The following TMEM232 variants were observed in gnomAD, a reference collection of about 807,000 sequenced individuals.
TMEM232 encodes transmembrane protein 232.
A neutral mutation model predicts 78.8 loss-of-function variants in TMEM232; 80 were observed. The ratio of observed to expected loss-of-function variants is 1.01; its 90% CI spans 0.85 to 1.22. The LOEUF (loss-of-function observed/expected upper bound fraction) is 1.22, where lower values mean the gene tolerates loss of function less well. TMEM232 is among the 50% of genes most tolerant of loss of function. The probability of loss-of-function intolerance (pLI) is 0.00; values close to 1 mark genes in which losing one functional copy is unlikely to be tolerated. For synonymous variants in TMEM232, 297 were observed against 254.3 expected, an observed-to-expected ratio of 1.17 and a Z score of -1.60; for missense variants, 881 against 742.2, an observed-to-expected ratio of 1.19 and a Z score of -2.17.
chr5:110,424,832 A>C lies in TMEM232; in HGVS notation c.1788T>G (p.Ile596Met). 1 of 1,548,722 alleles carries C rather than the reference A, an allele frequency of 6.5e-7. No individual in the cohort carries two copies. Among genetic ancestry groups the C allele is most frequent in the Non-Finnish European group, 8.7e-7 (1 of 1,145,460 alleles). Residue 596 changes from isoleucine (I) to methionine (M), a missense_variant, in exon 13 of 14, where the codon ATT (isoleucine) becomes ATG (methionine). Transcript: ENST00000455884. Reference sequence around the variant, plus strand: ...AAAAAATCAATCTTACGTGATGGTCAATGATTTTTGCCAACTCTTTATCTG... The same window carrying C: ...AAAAAATCAATCTTACGTGATGGTCCATGATTTTTGCCAACTCTTTATCTG... ...TKADKELAKIIDHHWQEELKI... is the reference protein window; with the variant it reads ...TKADKELAKIMDHHWQEELKI...
rs1242099111 is a variant in TMEM232 at position 110,388,125 on chromosome 5, T to G, written n.616-72A>C. The G allele has an allele frequency of 2.6e-5, 4 of 152,174 alleles. No homozygotes were observed. In the East Asian group the frequency reaches 7.7e-4, roughly 29 times the overall value. 9.4% of individuals were successfully genotyped at this position (152,174 alleles called of 1,614,324 possible). ...AGAGAGGCGTCTGAAAAGGGAAATGTGGCAGACCGCAGCAGATTTTATTGG... is the reference window on the plus strand; with the variant it reads ...AGAGAGGCGTCTGAAAAGGGAAATGGGGCAGACCGCAGCAGATTTTATTGG... On this transcript the variant is annotated intron_variant and non_coding_transcript_variant, in intron 4 of 8. Transcript: ENST00000507188.
At chr5:110,526,864 T>C (rs996581592) in intron 12 of TMEM232, among the ~76,000 whole-genome samples, 8 of 151,810 alleles carry the variant, frequency 5.3e-5, no homozygotes, top group African/African-American at 1.9e-4. Context: ...GGAAAACTTG[T>C]TTAAAAAATG....
chr5:110,409,737 G>A (rs1755920430), intron 2 of TMEM232, among the ~76,000 whole-genome samples: 1 of 151,838 alleles, frequency 6.6e-6, no homozygotes, highest in African/African-American at 2.4e-5. Flanking sequence ...TCTAACTTTG[G>A]ATGATTTTGC....
At chr5:110,457,499 G>A (rs947116245) in intron 12 of TMEM232, among the ~76,000 whole-genome samples, 6 of 151,692 alleles carry the variant, frequency 4.0e-5, no homozygotes, top group African/African-American at 1.5e-4. Flanking sequence ...TTCACGCCTC[G>A]GTATTTAGCC....
rs78571453 is a variant in TMEM232 at position 110,649,056 on chromosome 5, T to C, written c.126-6685A>G. 4.1e-4 allele frequency among the ~76,000 whole-genome samples: 62 copies of C among 152,198 alleles called. 1 individual carries two copies. The East Asian group carries it at 0.011, about 26-fold the overall frequency. On this transcript the variant is annotated intron_variant, in intron 2 of 13. Transcript: ENST00000455884. ...GGCCTATAATAATCATATTAGTCTG[T>C]CTAGTTGAGCTTGAAGACCCAAAGG...
intron 10 of TMEM232, among the ~76,000 whole-genome samples, chr5:110,575,736 G>T (rs1375453670): frequency 1.3e-5 from 2 of 152,004 alleles, no homozygotes; most frequent in Non-Finnish European, 2.9e-5. Flanking sequence ...ACTCAGAGAA[G>T]CAGTGAGTGA....
intron 12 of TMEM232, among the ~76,000 whole-genome samples, chr5:110,450,813 A>G (rs1312237148): frequency 6.6e-6 from 1 of 152,130 alleles, no homozygotes; most frequent in African/African-American, 2.4e-5. Flanking sequence ...AAGCTGGGAA[A>G]CTTTTCTAGT....
intron 12 of TMEM232, among the ~76,000 whole-genome samples, chr5:110,469,392 C>G (rs547259763): frequency 5.3e-5 from 8 of 152,320 alleles, no homozygotes; most frequent in African/African-American, 1.9e-4. Context: ...CGGCCAAGCA[C>G]CCCTGAAGCC....
At chr5:110,509,532 T>C (rs1253924907) in intron 12 of TMEM232, among the ~76,000 whole-genome samples, 3 of 152,202 alleles carry the variant, frequency 2.0e-5, no homozygotes, top group African/African-American at 7.2e-5. Context: ...AGTAATAATC[T>C]GCCTTCACGA....
At chr5:110,655,103 CAG>C (rs1300988430) in intron 2 of TMEM232, among the ~76,000 whole-genome samples, 1 of 152,064 alleles carries the variant, frequency 6.6e-6, no homozygotes, top group Non-Finnish European at 1.5e-5. Flanking sequence ...AAACTACCAT[CAG>C]AGTGAACAGG....
intron 2 of TMEM232, among the ~76,000 whole-genome samples, chr5:110,650,974 T>C (rs1788225135): frequency 6.6e-6 from 1 of 152,152 alleles, no homozygotes; most frequent in Non-Finnish European, 1.5e-5. Flanking sequence ...AAATGTATTT[T>C]ACAAAAATAA....
At chr5:110,562,007 G>A (rs900647956) in intron 11 of TMEM232, among the ~76,000 whole-genome samples, 4 of 152,068 alleles carry the variant, frequency 2.6e-5, no homozygotes, top group African/African-American at 9.7e-5. Flanking sequence ...TAGAGACAAT[G>A]AGCAAGGTGT....
intron 8 of TMEM232, among the ~76,000 whole-genome samples, chr5:110,618,179 T>A (rs529874772): frequency 2.0e-5 from 3 of 150,748 alleles, no homozygotes; most frequent in Admixed American, 6.7e-5. Context: ...AATAAAAAAC[T>A]GCATTTAATA....
intron 12 of TMEM232, among the ~76,000 whole-genome samples, chr5:110,518,453 G>T (rs1226891213): frequency 6.6e-6 from 1 of 151,806 alleles, no homozygotes; most frequent in African/African-American, 2.4e-5. Flanking sequence ...ACTTAGAACT[G>T]ACATTTTCAT....
intron 1 of TMEM232, among the ~76,000 whole-genome samples, chr5:110,723,769 T>G (rs1179045558): frequency 6.6e-6 from 1 of 152,202 alleles, no homozygotes; most frequent in Non-Finnish European, 1.5e-5. Context: ...AAGCTTTCTT[T>G]GCAACTATGA....
At chr5:110,575,198 A>G (rs1414550942) in intron 10 of TMEM232, among the ~76,000 whole-genome samples, 1 of 152,068 alleles carries the variant, frequency 6.6e-6, no homozygotes, top group Non-Finnish European at 1.5e-5. Context: ...TACATAATAT[A>G]TATTAGTGAA....
At chr5:110,474,685 T>C (rs1197673655) in intron 12 of TMEM232, among the ~76,000 whole-genome samples, 1 of 151,968 alleles carries the variant, frequency 6.6e-6, no homozygotes, top group Non-Finnish European at 1.5e-5. Flanking sequence ...ATAATTAGAC[T>C]TAATATGCAT....
At chr5:110,733,521 T>C (rs947212885) in intron 2 of TMEM232, among the ~76,000 whole-genome samples, 3 of 152,188 alleles carry the variant, frequency 2.0e-5, no homozygotes, top group Non-Finnish European at 4.4e-5. Flanking sequence ...AACAAGATCA[T>C]GTCCTTTGCA....
chr5:110,573,018 T>C (rs947921458), intron 10 of TMEM232, among the ~76,000 whole-genome samples: 4 of 152,012 alleles, frequency 2.6e-5, no homozygotes, highest in Non-Finnish European at 5.9e-5. Context: ...TTAAATATAC[T>C]GAGAGAAAAT....
Sources: allele counts gnomAD v4.1 joint callset (sites outside exome capture counted in the v4.1 genomes callset), GRCh38; gene constraint gnomAD v4.1.1; transcripts MANE v1.5; gene names NCBI Gene and HGNC (gene_info 2026-07-23, HGNC 2026-07-21).